Variants in PGM2L1 observed in about 807,000 individuals in gnomAD.
PGM2L1 encodes the protein glucose 1,6-bisphosphate synthase.
Under a neutral mutation model 73.4 loss-of-function variants are expected in PGM2L1, and 35 were observed. The observed-to-expected ratio is 0.48, with a 90% CI of 0.36 to 0.63. The LOEUF is 0.63. Among genes scored for constraint, PGM2L1 ranks in the 30% least tolerant of loss-of-function variants. The pLI is 0.00. For synonymous variants in PGM2L1, 225 were observed against 253.8 expected, an observed-to-expected ratio of 0.89 and a Z score of 1.08; for missense variants, 570 against 742.0, an observed-to-expected ratio of 0.77 and a Z score of 2.69.
intron 1 of PGM2L1, among the ~76,000 whole-genome samples, chr11:74,397,353 G>C (rs1863191656): frequency 6.6e-6 from 1 of 152,106 alleles, no homozygotes; most frequent in African/African-American, 2.4e-5. Context: ...ACTTGGAGGT[G>C]GGGGCGGAGG....
intron 1 of PGM2L1, among the ~76,000 whole-genome samples, chr11:74,385,548 G>T (rs1426662928): frequency 6.6e-6 from 1 of 152,080 alleles, no homozygotes; most frequent in Non-Finnish European, 1.5e-5. Context: ...TCATACGGAA[G>T]TTGCCTATTT....
intron 1 of PGM2L1, among the ~76,000 whole-genome samples, chr11:74,397,076 T>G (rs1863188067): frequency 6.6e-6 from 1 of 152,202 alleles, no homozygotes; most frequent in Non-Finnish European, 1.5e-5. Flanking sequence ...TTTCAGAAAG[T>G]GAAGCCTTAA....
At chr11:74,374,834 T>C (rs1323517416) in intron 1 of PGM2L1, among the ~76,000 whole-genome samples, 1 of 152,232 alleles carries the variant, frequency 6.6e-6, no homozygotes, top group Non-Finnish European at 1.5e-5. Context: ...AAGAATGTTC[T>C]TTTAAAATAA....
At chr11:74,383,568 G>A (rs1431623058) in intron 1 of PGM2L1, among the ~76,000 whole-genome samples, 3 of 151,844 alleles carry the variant, frequency 2.0e-5, no homozygotes, top group African/African-American at 7.3e-5. Flanking sequence ...AGTCCCACAT[G>A]CATTAGCTAT....
At chr11:74,364,363 A>G (rs1260600542) in intron 5 of PGM2L1, among the ~76,000 whole-genome samples, 7 of 152,230 alleles carry the variant, frequency 4.6e-5, no homozygotes, top group East Asian at 1.9e-4. Flanking sequence ...AGTTCTGGCC[A>G]GGGCAATCAG....
In PGM2L1 at chr11:74,347,232, T is replaced by C. The variant is rs765401554; in HGVS notation, c.855A>G (p.Pro285=). 2 of 1,613,230 alleles carry C rather than the reference T, an allele frequency of 1.2e-6. No individual in the cohort carries two copies. The highest frequency in any genetic ancestry group is 1.7e-6 in the Non-Finnish European group (2 of 1,179,516). ...LAFKVFGFKP[P]IPVPEQKDPD... is the part of the protein sequence containing the mutation. ...GATCTTTTTGTTCTGGTACTGGAAT[T>C]GGAGGCTTAAAACCAAACACTTTAA... is the stretch of plus-strand genomic sequence containing the variant. The change falls in exon 7 of 14, where the codon CCA becomes CCG. Residue 285 remains proline, a synonymous_variant. Coordinates refer to ENST00000298198, the MANE Select transcript of PGM2L1 (RefSeq NM_173582.6).
At chr11:74,339,228 C>A (rs539664572) in intron 12 of PGM2L1, among the ~76,000 whole-genome samples, 1 of 152,270 alleles carries the variant, frequency 6.6e-6, no homozygotes, top group South Asian at 2.1e-4. Flanking sequence ...GTTTATCAAT[C>A]GTCTCCAAAG....
chr11:74,347,571 T>C (rs1845614965), intron 6 of PGM2L1, among the ~76,000 whole-genome samples: 1 of 152,190 alleles, frequency 6.6e-6, no homozygotes, highest in East Asian at 1.9e-4. Context: ...CTGCCTTCCA[T>C]ATGCTGTGCC....
chr11:74,396,437 C>T (rs1195649744), intron 1 of PGM2L1, among the ~76,000 whole-genome samples: 2 of 151,240 alleles, frequency 1.3e-5, no homozygotes, highest in Admixed American at 1.3e-4. Context: ...TTTTTTGAGA[C>T]GGAGTCTCGC....
intron 5 of PGM2L1, among the ~76,000 whole-genome samples, chr11:74,364,366 G>A (rs947520863): frequency 6.6e-6 from 1 of 152,166 alleles, no homozygotes; most frequent in Admixed American, 6.5e-5. Context: ...TCTGGCCAGG[G>A]CAATCAGGCA....
rs959666620 is a variant in PGM2L1 at position 74,331,595 on chromosome 11, T to G, written c.*5057A>C. On this transcript the variant is annotated 3_prime_UTR_variant, in exon 14 of 14. Transcript: ENST00000298198. ...TATATCTTGCACTACAGCCAGTGTG[T>G]GTAGCTCAAGGACTTGCCTCCACTG... The G allele has an allele frequency of 4.6e-5, 7 of 152,048 alleles. No individual in the cohort carries two copies. Among genetic ancestry groups the G allele is most frequent in the African/African-American group, 1.7e-4 (7 of 41,364 alleles). The allele number at this position is 152,048 out of a possible 1,614,324, so 9.4% of individuals were successfully genotyped here. A position where few individuals can be genotyped will look rare whatever the true frequency, so the allele number is the denominator to read the frequency against.
At position 74,331,942 on chromosome 11, in the gene PGM2L1, T is replaced by C. The variant is rs1862022231; in HGVS notation, c.*4710A>G. ...TGGTCACTCTACACATTCTTATAGGTTCTCTTTTATAAGTACATAGTCTTG... is the reference window on the plus strand; with the variant it reads ...TGGTCACTCTACACATTCTTATAGGCTCTCTTTTATAAGTACATAGTCTTG... On this transcript the variant is annotated 3_prime_UTR_variant, in exon 14 of 14. Transcript: ENST00000298198. 1 of 152,204 alleles carries C rather than the reference T, an allele frequency of 6.6e-6. No individual in the cohort carries two copies. The highest frequency in any genetic ancestry group is 1.5e-5 in the Non-Finnish European group (1 of 68,042). 9.4% of individuals were successfully genotyped at this position (152,204 alleles called of 1,614,324 possible). A position where few individuals can be genotyped will look rare whatever the true frequency, so the allele number is the denominator to read the frequency against.
Position 74,338,902 on chromosome 11 carries a change from ATG to A in PGM2L1, c.1633-303_1633-302del, listed in dbSNP as rs537992283. 3.7e-3 allele frequency among the ~76,000 whole-genome samples: 569 copies of A among 152,352 alleles called. 1 individual carries two copies. The highest frequency in any genetic ancestry group is 6.6e-3 in the Non-Finnish European group (451 of 68,030). ...ATGGTTAAGATAGTTAATTTTTGTT[ATG>A]TGTTTTTTTAACCACAATTGAAAAT... On this transcript the variant is annotated intron_variant, in intron 12 of 13. Coordinates refer to ENST00000298198, the MANE Select transcript of PGM2L1 (RefSeq NM_173582.6).
At chr11:74,349,406 A>G (rs1367426308) in intron 6 of PGM2L1, among the ~76,000 whole-genome samples, 1 of 152,198 alleles carries the variant, frequency 6.6e-6, no homozygotes, top group African/African-American at 2.4e-5. Context: ...TTGATGCCCA[A>G]CTATCCAATA....
At chr11:74,340,639 T>C (rs77806870) in intron 12 of PGM2L1, among the ~76,000 whole-genome samples, 4,792 of 152,302 alleles carry the variant, frequency 0.031, 88 homozygotes, top group Non-Finnish European at 0.05. Context: ...TCAGCATCTA[T>C]GGCATTTAAG....
At chr11:74,361,326 C>T (rs1862560182) in intron 5 of PGM2L1, among the ~76,000 whole-genome samples, 1 of 152,214 alleles carries the variant, frequency 6.6e-6, no homozygotes, top group Admixed American at 6.5e-5. Context: ...AACAGACCTG[C>T]AGCTGAGGGT....
At chr11:74,359,074 T>A (rs558493354) in intron 5 of PGM2L1, among the ~76,000 whole-genome samples, 16 of 152,322 alleles carry the variant, frequency 1.1e-4, no homozygotes, top group South Asian at 4.1e-4. Context: ...AGCATATATA[T>A]TCATGCATAT....
chr11:74,397,982 G>T (rs1288650625), intron 1 of PGM2L1, 69 bp downstream of exon 1: 3 of 1,462,440 alleles, frequency 2.1e-6, no homozygotes, highest in Non-Finnish European at 2.7e-6. Context: ...CGGGGCGCTG[G>T]GTGGGCACAG....
rs1375455052 is a variant in PGM2L1 at position 74,342,453 on chromosome 11, G to A, written c.1632+8C>T. On this transcript the variant is annotated splice_region_variant and intron_variant, in intron 12 of 13. Transcript: ENST00000298198. ...CTAAATTGTTTGGAAAAAAAAAAAG[G>A]TACTTACTGATTTCTTATTAGGCTG... The A allele has an allele frequency of 1.4e-6, 2 of 1,416,268 alleles. No individual in the cohort carries two copies. Among genetic ancestry groups the A allele is most frequent in the Non-Finnish European group, 1.9e-6 (2 of 1,075,684 alleles). 87.7% of individuals were successfully genotyped at this position (1,416,268 alleles called of 1,614,324 possible). A position where few individuals can be genotyped will look rare whatever the true frequency, so the allele number is the denominator to read the frequency against.
Sources: gnomAD v4.1 joint callset for allele counts (sites outside exome capture counted in the v4.1 genomes callset) on GRCh38, gnomAD v4.1.1 for gene constraint, MANE v1.5 for transcripts, NCBI Gene and HGNC (gene_info 2026-07-23, HGNC 2026-07-21) for gene names.